TACC1: variants seen among roughly 807,000 people sequenced by gnomAD.
The protein encoded by TACC1 is transforming acidic coiled-coil-containing protein 1.
Under a neutral mutation model 84.4 loss-of-function variants are expected in TACC1, and 48 were observed. The observed-to-expected ratio is 0.57, with a 90% confidence interval of 0.45 to 0.72. The LOEUF is 0.72. Among genes scored for constraint, TACC1 ranks in the 30% least tolerant of loss-of-function variants. TACC1 has a pLI of 0.00. For missense variants in TACC1, 920 were observed against 973.0 expected, an observed-to-expected ratio of 0.95 and a Z score of 0.72; for synonymous variants, 372 against 376.3, an observed-to-expected ratio of 0.99 and a Z score of 0.13.
intron 3 of TACC1, among the ~76,000 whole-genome samples, chr8:38,745,924 C>A (rs1808007333): frequency 6.6e-6 from 1 of 152,196 alleles, no homozygotes; most frequent in Non-Finnish European, 1.5e-5. Context: ...CAGCTCACTG[C>A]AGCTTTAAAC....
chr8:38,787,491 C>G lies in TACC1; in HGVS notation c.-92C>G, dbSNP rs1817527802. The G allele has an allele frequency of 7.1e-7, 1 of 1,404,988 alleles. No individual in the cohort carries two copies. The highest frequency in any genetic ancestry group is 9.2e-7 in the Non-Finnish European group (1 of 1,083,402). The allele number at this position is 1,404,988 out of a possible 1,614,324, so 87.0% of individuals were successfully genotyped here. On this transcript the variant is annotated 5_prime_UTR_variant, in exon 1 of 13. Coordinates refer to ENST00000317827, the MANE Select transcript of TACC1 (RefSeq NM_006283.3). ...CCTCTGCTGGAAACGCTTGCTGGCGCCTGTCACCGGTTCCCTCCATTTTGA... is the reference window on the plus strand; with the variant it reads ...CCTCTGCTGGAAACGCTTGCTGGCGGCTGTCACCGGTTCCCTCCATTTTGA...
At chr8:38,756,623 A>C (rs1810096261) in intron 3 of TACC1, among the ~76,000 whole-genome samples, 1 of 152,180 alleles carries the variant, frequency 6.6e-6, no homozygotes, top group African/African-American at 2.4e-5. Flanking sequence ...GTCAGAGCCT[A>C]AAGGGACATT....
At chr8:38,730,541 T>G (rs1446027821) in intron 1 of TACC1, among the ~76,000 whole-genome samples, 1 of 152,210 alleles carries the variant, frequency 6.6e-6, no homozygotes, top group Non-Finnish European at 1.5e-5. Flanking sequence ...CCCTATAAGG[T>G]AGCTTTTGGC....
At chr8:38,775,117 G>T (rs1437498081) in intron 3 of TACC1, among the ~76,000 whole-genome samples, 1 of 152,084 alleles carries the variant, frequency 6.6e-6, no homozygotes, top group Non-Finnish European at 1.5e-5. Context: ...TTAAAATGAG[G>T]TGAATTTTGG....
intron 11 of TACC1, 95 bp downstream of exon 11, chr8:38,843,490 A>AT (rs1831645331): frequency 1.2e-6 from 1 of 818,524 alleles, no homozygotes; most frequent in Non-Finnish European, 1.9e-6. Context: ...TCCAGGTTGT[A>AT]TTTTTATGTG....
At chr8:38,764,423 T>G (rs1811828185) in intron 3 of TACC1, among the ~76,000 whole-genome samples, 1 of 139,040 alleles carries the variant, frequency 7.2e-6, no homozygotes. Flanking sequence ...TAAATCAATT[T>G]GGTAAAAAAA....
chr8:38,817,421 G>T (rs1334582871), intron 2 of TACC1, among the ~76,000 whole-genome samples: 1 of 152,180 alleles, frequency 6.6e-6, no homozygotes, highest in Non-Finnish European at 1.5e-5. Context: ...TTAAAATTTT[G>T]TGTGTATTGC....
Position 38,787,287 on chromosome 8 carries a change from C to G in TACC1, c.-296C>G. On this transcript the variant is annotated 5_prime_UTR_variant, in exon 1 of 13. Coordinates refer to ENST00000317827, the MANE Select transcript of TACC1 (RefSeq NM_006283.3). ...GCAGAGGTCTAGCAGCCGGGCGCCG[C>G]GGGCCGGGGGCCTGAGGAGGCCACA... The G allele has an allele frequency of 1.8e-6, 2 of 1,107,636 alleles. No individual in the cohort carries two copies. The highest frequency in any genetic ancestry group is 8.3e-5 in the South Asian group (2 of 24,224). 68.6% of individuals were successfully genotyped at this position (1,107,636 alleles called of 1,614,324 possible).
At chr8:38,784,934 G>A (rs1301450184), upstream of TACC1, among the ~76,000 whole-genome samples, 1 of 152,192 alleles carries the variant, frequency 6.6e-6, no homozygotes, top group Non-Finnish European at 1.5e-5. Context: ...GACAGTCCTG[G>A]TTTATGCCTA....
chr8:38,823,131 C>T (rs183655612), intron 3 of TACC1, among the ~76,000 whole-genome samples: 67 of 152,156 alleles, frequency 4.4e-4, no homozygotes, highest in Non-Finnish European at 8.1e-4. Flanking sequence ...GAAAGGAAGA[C>T]GCCCAGAGGT....
At chr8:38,806,047 G>A (rs1375842662) in intron 2 of TACC1, among the ~76,000 whole-genome samples, 1 of 152,150 alleles carries the variant, frequency 6.6e-6, no homozygotes, top group Non-Finnish European at 1.5e-5. Context: ...ATTGCAACCT[G>A]GGCAGTTGTG....
chr8:38,772,130 G>C (rs1813758224), intron 3 of TACC1, among the ~76,000 whole-genome samples: 1 of 152,126 alleles, frequency 6.6e-6, no homozygotes, highest in Non-Finnish European at 1.5e-5. Context: ...AAATAAACGT[G>C]TTCAAATAAG....
intron 3 of TACC1, among the ~76,000 whole-genome samples, chr8:38,760,889 C>T (rs1037553852): frequency 6.6e-6 from 1 of 152,126 alleles, no homozygotes; most frequent in East Asian, 1.9e-4. Context: ...GTGTGCAATA[C>T]GTAGTTATTA....
chr8:38,820,716 A>C, intron 3 of TACC1, 81 bp downstream of exon 3: 2 of 1,533,942 alleles, frequency 1.3e-6, no homozygotes, highest in Middle Eastern at 2.1e-4. Flanking sequence ...GGCTTTGGTG[A>C]ACTGAATTTA....
chr8:38,753,574 T>C (rs571007509), intron 3 of TACC1, among the ~76,000 whole-genome samples: 3 of 152,350 alleles, frequency 2.0e-5, no homozygotes, highest in Middle Eastern at 3.4e-3. Flanking sequence ...CAAAGCATTA[T>C]ATGTTGTGGG....
chr8:38,768,505 A>G (rs1360014028), intron 3 of TACC1, among the ~76,000 whole-genome samples: 1 of 152,192 alleles, frequency 6.6e-6, no homozygotes, highest in Non-Finnish European at 1.5e-5. Flanking sequence ...CGGCTGGTGA[A>G]GCTGCACAGC....
chr8:38,738,762 C>A (rs887122169), intron 1 of TACC1, among the ~76,000 whole-genome samples: 1 of 151,984 alleles, frequency 6.6e-6, no homozygotes, highest in African/African-American at 2.4e-5. Flanking sequence ...CTTCAAGTAT[C>A]CCTGGTTCCT....
chr8:38,773,195 G>A (rs1328999743), intron 3 of TACC1, among the ~76,000 whole-genome samples: 1 of 151,634 alleles, frequency 6.6e-6, no homozygotes, highest in African/African-American at 2.4e-5. Flanking sequence ...GCGTGGTGGC[G>A]GGCACCCGTA....
chr8:38,811,203 C>A (rs1472340109), intron 2 of TACC1, among the ~76,000 whole-genome samples: 1 of 150,478 alleles, frequency 6.6e-6, no homozygotes, highest in East Asian at 2.0e-4. Flanking sequence ...AAAAAAAAAA[C>A]CTGAAACAGA....
Sources: allele counts gnomAD v4.1 joint callset (sites outside exome capture counted in the v4.1 genomes callset), GRCh38; gene constraint gnomAD v4.1.1; transcripts MANE v1.5; gene names NCBI Gene and HGNC (gene_info 2026-07-23, HGNC 2026-07-21).